PAQR8: variants seen among roughly 807,000 people sequenced by gnomAD.
The protein encoded by PAQR8 is progestin and adipoQ receptor family member 8.
PAQR8 carries 17 observed loss-of-function variants against 25.2 expected under a neutral mutation model. That is an observed-to-expected ratio of 0.67 (90% CI 0.46 to 1.01). The LOEUF is 1.01. Among genes scored for constraint, PAQR8 ranks in the 50% least tolerant of loss-of-function variants. The probability of loss-of-function intolerance (pLI) is 0.00; values close to 1 mark genes in which losing one functional copy is unlikely to be tolerated. For synonymous variants in PAQR8, 204 were observed against 190.6 expected, an observed-to-expected ratio of 1.07 and a Z score of -0.58; for missense variants, 392 against 448.4, an observed-to-expected ratio of 0.87 and a Z score of 1.14.
chr6:52,372,753 GAT>G (rs376675829), intron 1 of PAQR8, among the ~76,000 whole-genome samples: 13 of 138,050 alleles, frequency 9.4e-5, no homozygotes, highest in East Asian at 4.3e-4. Context: ...TATATATATG[GAT>G]ATATATATAT....
intron 1 of PAQR8, among the ~76,000 whole-genome samples, chr6:52,396,996 G>A (rs1481827375): frequency 2.6e-5 from 4 of 152,186 alleles, no homozygotes; most frequent in Admixed American, 2.6e-4. Flanking sequence ...AGGCACTGTG[G>A]ATGGTGAAAA....
intron 1 of PAQR8, among the ~76,000 whole-genome samples, chr6:52,370,815 ATG>A (rs150532565): frequency 6.6e-6 from 1 of 152,066 alleles, no homozygotes; most frequent in African/African-American, 2.4e-5. Flanking sequence ...CTTCACATGT[ATG>A]TGTGTGTGTG....
chr6:52,386,337 A>G (rs1446254950), intron 1 of PAQR8, among the ~76,000 whole-genome samples: 1 of 152,208 alleles, frequency 6.6e-6, no homozygotes, highest in Non-Finnish European at 1.5e-5. Flanking sequence ...TAGCAACCAC[A>G]TTACTGGGTA....
chr6:52,372,315 G>A (rs1763428778), intron 1 of PAQR8, among the ~76,000 whole-genome samples: 1 of 152,168 alleles, frequency 6.6e-6, no homozygotes, highest in Admixed American at 6.5e-5. Flanking sequence ...TTGGAAGGAT[G>A]TGAGATTTAG....
chr6:52,385,246 C>T (rs1230143074), intron 1 of PAQR8, among the ~76,000 whole-genome samples: 1 of 152,210 alleles, frequency 6.6e-6, no homozygotes, highest in African/African-American at 2.4e-5. Context: ...GGAAACCCCT[C>T]TCATTCTCTC....
At chr6:52,367,141 C>T (rs559355067) in intron 1 of PAQR8, among the ~76,000 whole-genome samples, 7 of 152,248 alleles carry the variant, frequency 4.6e-5, no homozygotes, top group Admixed American at 3.9e-4. Flanking sequence ...TTTTGATTGT[C>T]ATACCTGGAG....
At chr6:52,371,085 TAAAC>T (rs1363378036) in intron 1 of PAQR8, among the ~76,000 whole-genome samples, 2 of 152,028 alleles carry the variant, frequency 1.3e-5, no homozygotes, top group Non-Finnish European at 2.9e-5. Context: ...AGACAAACAA[TAAAC>T]AAGTAAATCA....
chr6:52,371,619 C>T (rs149143976), intron 1 of PAQR8, among the ~76,000 whole-genome samples: 5 of 152,194 alleles, frequency 3.3e-5, no homozygotes, highest in Non-Finnish European at 7.4e-5. Context: ...CATCTCATGG[C>T]CTAGAGAACC....
chr6:52,373,930 A>G (rs1562427753), intron 1 of PAQR8, among the ~76,000 whole-genome samples: 1 of 152,152 alleles, frequency 6.6e-6, no homozygotes. Flanking sequence ...GGGCATGGTG[A>G]CTAGATCATG....
Position 52,362,793 on chromosome 6 carries a change from AAGGGCAGCCCGAGGT to A in PAQR8, c.-53+549_-53+563del, listed in dbSNP as rs1412395826. On this transcript the variant is annotated intron_variant, in intron 1 of 1. Transcript: ENST00000442253. The surrounding 1 kb of genome is among the most constrained non-coding windows in gnomAD (Gnocchi z 4.1). ...CCGGGGCGGTAGGGAGAGCCCGAGGAAGGGCAGCCCGAGGTAGGGGAACCCCGGAAAGAGTAGGGT... is the reference window on the plus strand; with the variant it reads ...CCGGGGCGGTAGGGAGAGCCCGAGGAAGGGGAACCCCGGAAAGAGTAGGGT... 1.3e-5 allele frequency among the ~76,000 whole-genome samples: 2 copies of A among 152,066 alleles called. No homozygotes were observed. The highest frequency in any genetic ancestry group is 2.9e-5 in the Non-Finnish European group (2 of 67,990).
chr6:52,406,406 C>G lies in PAQR8; in HGVS notation c.*2128C>G, dbSNP rs4715300. ...CCACGTATTTTTTAAAAGAGAGAAC[C>G]GGAGGTAGAGCAATGATCAGATGGG... On this transcript the variant is annotated 3_prime_UTR_variant, in exon 2 of 2. Coordinates refer to ENST00000442253, the MANE Select transcript of PAQR8 (RefSeq NM_133367.5). 1 of 412,666 alleles carries G rather than the reference C, an allele frequency of 2.4e-6. No homozygotes were observed. Among genetic ancestry groups the G allele is most frequent in the Admixed American group, 4.4e-5 (1 of 22,686 alleles). The allele number at this position is 412,666 out of a possible 1,614,324, so 25.6% of individuals were successfully genotyped here.
chr6:52,376,498 C>G (rs934685365), intron 1 of PAQR8, among the ~76,000 whole-genome samples: 1 of 152,054 alleles, frequency 6.6e-6, no homozygotes, highest in Admixed American at 6.6e-5. Context: ...CAAGGACAGG[C>G]AGAGATACTT....
At chr6:52,382,083 C>T (rs888601344) in intron 1 of PAQR8, among the ~76,000 whole-genome samples, 3 of 152,180 alleles carry the variant, frequency 2.0e-5, no homozygotes, top group Non-Finnish European at 2.9e-5. Flanking sequence ...AGGTACCATA[C>T]AACACAATAC....
chr6:52,402,401 T>C (rs1581798868), intron 1 of PAQR8, among the ~76,000 whole-genome samples: 1 of 151,870 alleles, frequency 6.6e-6, no homozygotes, highest in East Asian at 1.9e-4. Flanking sequence ...GCGGATCACC[T>C]GAGGTCGGGC....
chr6:52,392,647 G>C (rs1763723474), intron 1 of PAQR8, among the ~76,000 whole-genome samples: 1 of 152,204 alleles, frequency 6.6e-6, no homozygotes, highest in Non-Finnish European at 1.5e-5. Flanking sequence ...AGCAGATTTA[G>C]TGATCTCATT....
At chr6:52,398,572 G>T (rs1763795272) in intron 1 of PAQR8, among the ~76,000 whole-genome samples, 1 of 137,238 alleles carries the variant, frequency 7.3e-6, no homozygotes, top group African/African-American at 2.8e-5. Context: ...TGTTGTTTTT[G>T]AGATGAAGTC....
intron 1 of PAQR8, among the ~76,000 whole-genome samples, chr6:52,370,041 T>C (rs979064064): frequency 1.3e-5 from 2 of 152,022 alleles, no homozygotes; most frequent in Non-Finnish European, 2.9e-5. Flanking sequence ...TGTTAATTCA[T>C]GAAGTGCTAA....
intron 1 of PAQR8, among the ~76,000 whole-genome samples, chr6:52,385,883 C>T (rs1763627560): frequency 6.6e-6 from 1 of 152,030 alleles, no homozygotes; most frequent in Non-Finnish European, 1.5e-5. Flanking sequence ...GAGACCCTGT[C>T]TCAAAACAAA....
At chr6:52,368,306 C>T (rs1763377649) in intron 1 of PAQR8, among the ~76,000 whole-genome samples, 1 of 152,132 alleles carries the variant, frequency 6.6e-6, no homozygotes, top group South Asian at 2.1e-4. Flanking sequence ...CTGTGGTTCT[C>T]AGTCCTGGCT....
Sources: allele counts gnomAD v4.1 joint callset (sites outside exome capture counted in the v4.1 genomes callset), GRCh38; gene constraint gnomAD v4.1.1; non-coding constraint Gnocchi (gnomAD v3.1); transcripts MANE v1.5; gene names NCBI Gene and HGNC (gene_info 2026-07-23, HGNC 2026-07-21).